Variants in TAB2 observed in about 807,000 individuals in gnomAD.
TAB2 encodes the protein TGF-beta activated kinase 1 (MAP3K7) binding protein 2.
TAB2 carries 3 observed loss-of-function variants against 65.0 expected under a neutral mutation model. That is an observed-to-expected ratio of 0.05 (90% CI 0.02 to 0.12). The LOEUF (loss-of-function observed/expected upper bound fraction) is 0.12. TAB2 is among the 10% of genes least tolerant of loss of function. The probability of loss-of-function intolerance (pLI) is 1.00; values close to 1 mark genes in which losing one functional copy is unlikely to be tolerated. For synonymous variants in TAB2, 298 were observed against 285.1 expected (o/e 1.05, Z -0.46); for missense variants, 623 against 840.3 (o/e 0.74, Z 3.20).
At chr6:149,237,629 C>T (rs1027428204) in intron 1 of TAB2, among the ~76,000 whole-genome samples, 6 of 152,210 alleles carry the variant, frequency 3.9e-5, no homozygotes, top group East Asian at 3.9e-4. Context: ...ACCCCTCATC[C>T]GTCCTCTAGG....
chr6:149,387,225 T>C (rs1781834802), intron 3 of TAB2, among the ~76,000 whole-genome samples: 1 of 152,228 alleles, frequency 6.6e-6, no homozygotes, highest in Non-Finnish European at 1.5e-5. Context: ...CTAAGAGTTA[T>C]ATAATATTAG....
At position 149,283,118 on chromosome 6, in the gene TAB2, C is replaced by T. The variant is rs921178028; in HGVS notation, c.-121+64342C>T. On this transcript the variant is annotated intron_variant, in intron 1 of 1. Transcript: ENST00000606202. ...GTTAGTACGTTTGAGGGGTTTAGTG[C>T]GGGAGGCTCCCCGGGTGACACCGTT... is the stretch of plus-strand genomic sequence containing the variant. 3.3e-5 allele frequency among the ~76,000 whole-genome samples: 5 copies of T among 152,126 alleles called. No homozygotes were observed. In the East Asian group the frequency reaches 5.8e-4, roughly 18 times the overall value.
intron 6 of TAB2, among the ~76,000 whole-genome samples, chr6:149,403,323 T>C (rs534453273): frequency 0.031 from 1,576 of 51,436 alleles, 43 homozygotes; most frequent in Non-Finnish European, 0.045. Flanking sequence ...TACACACACA[T>C]ATATATACAT....
intron 1 of TAB2, among the ~76,000 whole-genome samples, chr6:149,345,704 A>C (rs1272419828): frequency 6.6e-6 from 1 of 152,160 alleles, no homozygotes; most frequent in Non-Finnish European, 1.5e-5. Flanking sequence ...ATATCTGTTT[A>C]AAATACATCT....
chr6:149,274,184 G>A (rs926107347), intron 1 of TAB2, among the ~76,000 whole-genome samples: 4 of 152,110 alleles, frequency 2.6e-5, no homozygotes, highest in South Asian at 2.1e-4. Flanking sequence ...AAATAATATC[G>A]CATTAGAATT....
intron 3 of TAB2, among the ~76,000 whole-genome samples, chr6:149,381,204 A>G (rs567259179): frequency 5.3e-5 from 8 of 152,338 alleles, no homozygotes; most frequent in East Asian, 1.9e-4. Context: ...AGTGATTTCA[A>G]TTGCCCTAGA....
chr6:149,288,028 T>C (rs1337272574), intron 1 of TAB2, among the ~76,000 whole-genome samples: 1 of 152,246 alleles, frequency 6.6e-6, no homozygotes, highest in Non-Finnish European at 1.5e-5. Flanking sequence ...GTTAAATTTT[T>C]AAACACATAA....
At position 149,397,949 on chromosome 6, in the gene TAB2, T is replaced by A. The variant is rs1233335186; in HGVS notation, c.1765-20T>A. ...CTAAGAATTCAGTGCAAATCTTACT[T>A]ACATAGAATTATTTTTCAGCTTGAA... is the stretch of plus-strand genomic sequence containing the variant. On this transcript the variant is annotated intron_variant, in intron 4 of 6. Transcript: ENST00000637181. 1.9e-6 allele frequency: 3 copies of A among 1,608,958 alleles called. No individual in the cohort carries two copies. Among genetic ancestry groups the A allele is most frequent in the Non-Finnish European group, 2.5e-6 (3 of 1,176,776 alleles).
At chr6:149,371,507 G>A (rs1033504246) in intron 2 of TAB2, among the ~76,000 whole-genome samples, 1 of 152,140 alleles carries the variant, frequency 6.6e-6, no homozygotes, top group African/African-American at 2.4e-5. Context: ...TTTTCTTATA[G>A]TATAATGGTT....
intron 6 of TAB2, chr6:149,400,542 C>A (rs569573383): frequency 6.2e-7 from 1 of 1,614,170 alleles, no homozygotes; most frequent in African/African-American, 1.3e-5. Flanking sequence ...TTGTGAACCA[C>A]GGGGATTGTC....
chr6:149,306,089 T>C (rs1583075140), intron 1 of TAB2, among the ~76,000 whole-genome samples: 2 of 152,126 alleles, frequency 1.3e-5, no homozygotes. Flanking sequence ...GCTATACAAT[T>C]TGGACTAAAC....
At chr6:149,375,251 CCT>C (rs1404854712) in intron 2 of TAB2, among the ~76,000 whole-genome samples, 8 of 152,078 alleles carry the variant, frequency 5.3e-5, no homozygotes, top group East Asian at 1.9e-4. Context: ...TATCATATTT[CCT>C]CTCTCTTTTA....
chr6:149,373,664 C>G (rs560682225), intron 2 of TAB2, among the ~76,000 whole-genome samples: 1 of 152,238 alleles, frequency 6.6e-6, no homozygotes, highest in South Asian at 2.1e-4. Flanking sequence ...GAAAGAGGAA[C>G]TGGAATTAAT....
chr6:149,397,643 A>G lies in TAB2; in HGVS notation c.1643A>G (p.Gln548Arg). 1 of 1,614,136 alleles carries G rather than the reference A, an allele frequency of 6.2e-7. No individual in the cohort carries two copies. Among genetic ancestry groups the G allele is most frequent in the Non-Finnish European group, 8.5e-7 (1 of 1,180,010 alleles). Residue 548 changes from glutamine to arginine, a missense_variant, in exon 4 of 7, where the codon CAA becomes CGA. Physicochemically the swap from Gln to Arg is conservative, Grantham distance 43. Around this residue, in one of 3 missense-constraint regions of TAB2, gnomAD observed 550 missense variants for 665.7 expected, o/e 0.83. Coordinates refer to ENST00000637181, the MANE Select transcript of TAB2 (RefSeq NM_001292034.3). ...CAGAAGGCCAGAATGGAACGACTTCAAAGAGAACTTGAGATTCAAAAGAAA... is the reference window on the plus strand; with the variant it reads ...CAGAAGGCCAGAATGGAACGACTTCGAAGAGAACTTGAGATTCAAAAGAAA... ...VHQKARMERL[Q>R]RELEIQKKKL...
intron 1 of TAB2, among the ~76,000 whole-genome samples, chr6:149,266,374 A>G (rs1203649110): frequency 6.6e-6 from 1 of 152,216 alleles, no homozygotes; most frequent in African/African-American, 2.4e-5. Context: ...ACTGTCCCTT[A>G]GTAGACATGA....
In TAB2 at chr6:149,276,832, T is replaced by C. The variant is rs1167774306; in HGVS notation, c.-121+58056T>C. Among the ~76,000 whole-genome samples the C allele has an allele frequency of 2.0e-5, 3 of 152,228 alleles. No individual in the cohort carries two copies. In the East Asian group the frequency reaches 5.8e-4, roughly 29 times the overall value. On this transcript the variant is annotated intron_variant, in intron 1 of 1. Transcript: ENST00000606202. ...AATTTATCCTACAGAGATACTCACA[T>C]ATATGCTGATATGGTTTGGCTGTGT...
intron 1 of TAB2, among the ~76,000 whole-genome samples, chr6:149,340,003 T>C (rs188714111): frequency 3.9e-5 from 6 of 152,344 alleles, no homozygotes; most frequent in Non-Finnish European, 7.4e-5. Context: ...TGTTAAACTT[T>C]TATTCAGATT....
intron 1 of TAB2, among the ~76,000 whole-genome samples, chr6:149,352,267 G>A (rs543048678): frequency 1.8e-4 from 27 of 152,150 alleles, no homozygotes; most frequent in African/African-American, 5.8e-4. Context: ...TTTATAATAA[G>A]CTTCATTTTT....
intron 1 of TAB2, among the ~76,000 whole-genome samples, chr6:149,220,306 C>G (rs1777114595): frequency 6.6e-6 from 1 of 152,148 alleles, no homozygotes; most frequent in Non-Finnish European, 1.5e-5. Flanking sequence ...CAAAACTCAA[C>G]AAGTGGTAGT....
Sources: allele counts gnomAD v4.1 joint callset (sites outside exome capture counted in the v4.1 genomes callset), GRCh38; gene constraint gnomAD v4.1.1; regional missense constraint gnomAD v4.1.1; transcripts MANE v1.5; gene names NCBI Gene and HGNC (gene_info 2026-07-23, HGNC 2026-07-21).